TNS3: variants seen among roughly 807,000 people sequenced by gnomAD.
The protein encoded by TNS3 is tensin 3.
In TNS3, 45 loss-of-function variants were observed where a neutral mutation model predicts 140.9. The observed-to-expected ratio is 0.32, with a 90% CI of 0.25 to 0.41. The LOEUF (loss-of-function observed/expected upper bound fraction) is 0.41, where lower values mean the gene tolerates loss of function less well. Ranked by LOEUF, TNS3 falls within the 10% of genes least tolerant of loss-of-function variation. The pLI is 1.00. For synonymous variants in TNS3, 815 were observed against 788.4 expected (o/e 1.03, Z -0.56); for missense variants, 1,716 against 1,906.7 (o/e 0.90, Z 1.86).
chr7:47,558,965 G>A (rs980072828), intron 1 of TNS3, among the ~76,000 whole-genome samples: 1 of 152,202 alleles, frequency 6.6e-6, no homozygotes, highest in Non-Finnish European at 1.5e-5. Context: ...GGAGCCCAAG[G>A]GAAAGCACTG....
intron 10 of TNS3, among the ~76,000 whole-genome samples, chr7:47,420,736 T>C (rs1424088379): frequency 6.6e-6 from 1 of 152,204 alleles, no homozygotes; most frequent in African/African-American, 2.4e-5. Flanking sequence ...TCTAAAGCCT[T>C]TTAAAATAAA....
At position 47,414,016 on chromosome 7, in the gene TNS3, T is replaced by G; in HGVS notation, c.587-19A>C. On this transcript the variant is annotated intron_variant, in intron 11 of 30. Transcript: ENST00000311160. ...CGGCACACTGAAAGAAAGGCACAAC[T>G]GTCTGTAGAGGCATGACCGGTACAG... 6.2e-7 allele frequency: 1 copy of G among 1,613,498 alleles called. No homozygotes were observed. Among genetic ancestry groups the G allele is most frequent in the Non-Finnish European group, 8.5e-7 (1 of 1,179,730 alleles).
At chr7:47,453,309 G>A in intron 4 of TNS3, 3 of 955,576 alleles carry the variant, frequency 3.1e-6, no homozygotes, top group Non-Finnish European at 3.7e-6. Context: ...TGACCAGGAA[G>A]CTGAGTGGCT....
At chr7:47,503,595 C>CA (rs779842954) in intron 3 of TNS3, among the ~76,000 whole-genome samples, 1 of 7,042 alleles carries the variant, frequency 1.4e-4, no homozygotes, top group Non-Finnish European at 1.1e-3. Flanking sequence ...TTCCCTGAAA[C>CA]TTAAGTATTA....
intron 4 of TNS3, among the ~76,000 whole-genome samples, chr7:47,457,134 AGGAGGGGAGG>A (rs1404938642): frequency 1.0e-4 from 1 of 9,608 alleles, no homozygotes; most frequent in Non-Finnish European, 1.9e-4. Flanking sequence ...AGGGGAGGGG[AGGAGGGGAGG>A]GGAGGGGAGG....
intron 20 of TNS3, among the ~76,000 whole-genome samples, chr7:47,337,037 C>T (rs757093579): frequency 9.9e-5 from 15 of 152,110 alleles, no homozygotes; most frequent in Admixed American, 5.9e-4. Context: ...CCCCTTGACA[C>T]GTCATCAAGC....
chr7:47,310,015 C>G (rs1001094054), intron 20 of TNS3, among the ~76,000 whole-genome samples: 3 of 152,168 alleles, frequency 2.0e-5, no homozygotes, highest in Non-Finnish European at 4.4e-5. Flanking sequence ...GACATGGACC[C>G]GTTTGGAAGC....
At chr7:47,497,662 AACACACACACACACACACAC>A (rs6150097) in intron 3 of TNS3, among the ~76,000 whole-genome samples, 1 of 91,142 alleles carries the variant, frequency 1.1e-5, no homozygotes, top group Non-Finnish European at 2.5e-5. Flanking sequence ...TCACGTATGG[AACACACACACACACACACAC>A]ACACACACAC....
intron 27 of TNS3, among the ~76,000 whole-genome samples, chr7:47,285,037 G>A (rs1248276566): frequency 6.6e-6 from 1 of 152,196 alleles, no homozygotes; most frequent in Non-Finnish European, 1.5e-5. Context: ...TGGCAGGTAT[G>A]TTGGTAGACG....
At position 47,292,919 on chromosome 7, in the gene TNS3, A is replaced by C. The variant is rs1265537857; in HGVS notation, c.3773-14T>G. 1 of 1,613,502 alleles carries C rather than the reference A, an allele frequency of 6.2e-7. No homozygotes were observed. The highest frequency in any genetic ancestry group is 8.5e-7 in the Non-Finnish European group (1 of 1,179,712). On this transcript the variant is annotated splice_polypyrimidine_tract_variant and intron_variant, in intron 25 of 30. Transcript: ENST00000311160. ...CCGTCAGGCTCCCTGCAAAGTGGAC[A>C]GACAGCAAACAAGAGTCAACAACTG...
intron 1 of TNS3, among the ~76,000 whole-genome samples, chr7:47,544,876 G>C (rs1231675325): frequency 2.0e-5 from 3 of 151,906 alleles, no homozygotes; most frequent in African/African-American, 7.3e-5. Context: ...AGGACATCAT[G>C]ATTTACTTTT....
In TNS3 at chr7:47,380,211, C is replaced by T. The variant is rs73326550; in HGVS notation, c.1025-10590G>A. 4.5e-3 allele frequency among the ~76,000 whole-genome samples: 689 copies of T among 152,364 alleles called. 4 individuals carry two copies. Among genetic ancestry groups the T allele is most frequent in the African/African-American group, 0.016 (658 of 41,592 alleles). The stretch of plus-strand genomic sequence containing the variant: ...ACAGCCGTACTGACAGCAGGGCAGG[C>T]CAGGGCGGCTCCCCGGGCAGACCTC... On this transcript the variant is annotated intron_variant, in intron 16 of 30. Coordinates refer to ENST00000311160, the MANE Select transcript of TNS3 (RefSeq NM_022748.12).
At chr7:47,282,564 A>ACCCTGT (rs1263914666) in intron 28 of TNS3, among the ~76,000 whole-genome samples, 1 of 152,100 alleles carries the variant, frequency 6.6e-6, no homozygotes, top group Admixed American at 6.5e-5. Flanking sequence ...CACAACCCTG[A>ACCCTGT]CCCTGTCCCT....
At chr7:47,572,077 TC>T (rs1178047253) in intron 1 of TNS3, among the ~76,000 whole-genome samples, 3 of 152,104 alleles carry the variant, frequency 2.0e-5, no homozygotes, top group African/African-American at 7.2e-5. Context: ...TGCAGAGACC[TC>T]CCCATGGGCT....
Position 47,368,765 on chromosome 7 carries a change from G to A in TNS3, c.1881C>T (p.Pro627=), listed in dbSNP as rs752466879. 1 of 1,593,154 alleles carries A rather than the reference G, an allele frequency of 6.3e-7. No individual in the cohort carries two copies. ...ADNPGLVQAQ[P]RVPLTPTRGT... ...CTCGGGTGGGGGTGAGTGGCACTCTGGGCTGGGCCTGGACGAGGCCAGGAT... is the reference window on the plus strand; with the variant it reads ...CTCGGGTGGGGGTGAGTGGCACTCTAGGCTGGGCCTGGACGAGGCCAGGAT... The change falls in exon 17 of 31, where the codon CCC becomes CCT. Residue 627 remains proline (P), a synonymous_variant. Coordinates refer to ENST00000311160, the MANE Select transcript of TNS3 (RefSeq NM_022748.12).
At chr7:47,320,778 G>A (rs1385135531) in intron 20 of TNS3, among the ~76,000 whole-genome samples, 2 of 152,218 alleles carry the variant, frequency 1.3e-5, no homozygotes, top group South Asian at 2.1e-4. Context: ...TGTGCAGGGG[G>A]TGGAGGGAGT....
At position 47,546,118 on chromosome 7, in the gene TNS3, G is replaced by A. The variant is rs1241577022; in HGVS notation, c.-264-16971C>T. Among the ~76,000 whole-genome samples, 7 of 152,260 alleles carry A rather than the reference G, an allele frequency of 4.6e-5. 1 individual carries two copies. Among genetic ancestry groups the A allele is most frequent in the South Asian group, 4.1e-4 (2 of 4,830 alleles). On this transcript the variant is annotated intron_variant, in intron 1 of 30. Transcript: ENST00000311160. ...CTGAGGTGGTCCAGAGAGCTGCGGC[G>A]GACCCCGACCCCACTCCTCTACTCA...
chr7:47,540,150 GTTCCCAGGAACAAAACAAGGTTC>G (rs1799743469), intron 1 of TNS3, among the ~76,000 whole-genome samples: 2 of 152,032 alleles, frequency 1.3e-5, no homozygotes, highest in South Asian at 4.1e-4. Context: ...ACTGCACTTG[GTTCCCAGGAACAAAACAAGGTTC>G]TTCCCAGGAA....
rs144012426 is a variant in TNS3 at position 47,469,973 on chromosome 7, C to CAAAAAAA, written c.-76+11123_-76+11129dup. Among the ~76,000 whole-genome samples the CAAAAAAA allele has an allele frequency of 3.7e-3, 240 of 64,846 alleles. 14 individuals carry two copies. The highest frequency in any genetic ancestry group is 0.018 in the African/African-American group (218 of 12,196). The allele number at this position is 64,846 out of a possible 152,430, so 42.5% of individuals were successfully genotyped here. A position where few individuals can be genotyped will look rare whatever the true frequency, so the allele number is the denominator to read the frequency against. ...TGGGCAACAGAATGAAACTCTGTCT[C>CAAAAAAA]AAAAAAAAAAAAAAAAAAAAAAAAT... is the stretch of plus-strand genomic sequence containing the variant. On this transcript the variant is annotated intron_variant, in intron 4 of 30. Transcript: ENST00000311160.
Sources: gnomAD v4.1 joint callset for allele counts (sites outside exome capture counted in the v4.1 genomes callset) on GRCh38, gnomAD v4.1.1 for gene constraint, MANE v1.5 for transcripts, NCBI Gene and HGNC (gene_info 2026-07-23, HGNC 2026-07-21) for gene names.